ROBO2: variants seen among roughly 807,000 people sequenced by gnomAD.
ROBO2 encodes the protein roundabout guidance receptor 2, also known as roundabout homolog 2.
In ROBO2, 53 loss-of-function variants were observed where a neutral mutation model predicts 160.8. The observed-to-expected ratio is 0.33, with a 90% CI of 0.26 to 0.41. The LOEUF (loss-of-function observed/expected upper bound fraction) is 0.41. Ranked by LOEUF, ROBO2 falls within the 10% of genes least tolerant of loss-of-function variation. The pLI is 1.00. For missense variants in ROBO2, 1,577 were observed against 1,722.4 expected, an observed-to-expected ratio of 0.92 and a Z score of 1.49; for synonymous variants, 664 against 611.7, an observed-to-expected ratio of 1.09 and a Z score of -1.26.
intron 2 of ROBO2, among the ~76,000 whole-genome samples, chr3:76,714,993 T>C (rs1309895876): frequency 6.6e-6 from 1 of 152,176 alleles, no homozygotes; most frequent in African/African-American, 2.4e-5. Context: ...ATTTCTTTCA[T>C]TTTGATACCA....
chr3:76,445,368 A>G (rs190831098), intron 2 of ROBO2, among the ~76,000 whole-genome samples: 81 of 152,306 alleles, frequency 5.3e-4, no homozygotes, highest in African/African-American at 1.8e-3. Context: ...ATGAAGCTAT[A>G]GCAAAACTAA....
intron 21 of ROBO2, among the ~76,000 whole-genome samples, chr3:77,613,929 A>G (rs1443633507): frequency 1.3e-5 from 2 of 152,206 alleles, no homozygotes; most frequent in African/African-American, 2.4e-5. Context: ...ATCTTGATGG[A>G]TTTATAAGAT....
chr3:77,203,988 T>C (rs2083170298), intron 2 of ROBO2, among the ~76,000 whole-genome samples: 1 of 152,206 alleles, frequency 6.6e-6, no homozygotes, highest in African/African-American at 2.4e-5. Context: ...CTATCTCTTT[T>C]AGGATAAAAT....
At chr3:76,052,859 A>G (rs2067701487) in intron 2 of ROBO2, among the ~76,000 whole-genome samples, 1 of 152,072 alleles carries the variant, frequency 6.6e-6, no homozygotes, top group South Asian at 2.1e-4. Flanking sequence ...CATCACCTTC[A>G]AAATAGCTCA....
intron 2 of ROBO2, among the ~76,000 whole-genome samples, chr3:76,024,421 TA>T (rs2066669553): frequency 6.6e-6 from 1 of 151,482 alleles, no homozygotes; most frequent in Non-Finnish European, 1.5e-5. Flanking sequence ...ATTTATTTTG[TA>T]CTATTTTAAA....
At chr3:77,192,899 C>T (rs1485553146) in intron 2 of ROBO2, among the ~76,000 whole-genome samples, 2 of 151,914 alleles carry the variant, frequency 1.3e-5, no homozygotes, top group African/African-American at 4.8e-5. Flanking sequence ...AGTGATCCAC[C>T]TGCCTCAGTC....
chr3:76,430,947 TCTTA>T, intron 2 of ROBO2, among the ~76,000 whole-genome samples: 1 of 152,202 alleles, frequency 6.6e-6, no homozygotes, highest in Middle Eastern at 3.4e-3. Flanking sequence ...TATGAAACTC[TCTTA>T]CTGTTTTTGA....
intron 2 of ROBO2, among the ~76,000 whole-genome samples, chr3:77,399,502 C>G (rs75999817): frequency 0.012 from 1,776 of 152,268 alleles, 35 homozygotes; most frequent in African/African-American, 0.041. Context: ...TGTACTGTGG[C>G]ACACATTTCA....
At chr3:76,677,051 A>G (rs919463626) in intron 2 of ROBO2, among the ~76,000 whole-genome samples, 1 of 152,106 alleles carries the variant, frequency 6.6e-6, no homozygotes, top group Admixed American at 6.5e-5. Context: ...TAAAACTGGT[A>G]CTGTATACAA....
intron 4 of ROBO2, among the ~76,000 whole-genome samples, chr3:77,490,638 A>C (rs1170764955): frequency 6.6e-6 from 1 of 152,086 alleles, no homozygotes; most frequent in Non-Finnish European, 1.5e-5. Context: ...TAAGAGGTTC[A>C]TTTTTCTCAT....
chr3:76,978,383 C>A (rs2059912565), intron 2 of ROBO2, among the ~76,000 whole-genome samples: 1 of 152,116 alleles, frequency 6.6e-6, no homozygotes, highest in Non-Finnish European at 1.5e-5. Context: ...TGTTGAAATA[C>A]ATAGTGCCAC....
At chr3:76,975,882 T>C (rs1209121722) in intron 2 of ROBO2, among the ~76,000 whole-genome samples, 1 of 152,124 alleles carries the variant, frequency 6.6e-6, no homozygotes, top group East Asian at 1.9e-4. Context: ...TATACATATA[T>C]TGATGATTCA....
intron 11 of ROBO2, chr3:77,564,732 T>C: frequency 1.6e-6 from 1 of 618,784 alleles, no homozygotes. Flanking sequence ...GGGCTGAGTT[T>C]AATTTTGTTG....
chr3:77,414,437 GA>G (rs1213797397), intron 2 of ROBO2, among the ~76,000 whole-genome samples: 4 of 152,214 alleles, frequency 2.6e-5, no homozygotes, highest in African/African-American at 9.7e-5. Context: ...TATATGGAGA[GA>G]AATGTGGATA....
At chr3:76,339,680 A>G (rs1199904706) in intron 2 of ROBO2, among the ~76,000 whole-genome samples, 1 of 152,112 alleles carries the variant, frequency 6.6e-6, no homozygotes, top group East Asian at 1.9e-4. Context: ...ATTCCAGATC[A>G]CTCACAGACA....
intron 2 of ROBO2, among the ~76,000 whole-genome samples, chr3:76,848,585 A>G (rs1236067379): frequency 3.3e-5 from 5 of 152,244 alleles, no homozygotes; most frequent in African/African-American, 9.6e-5. Context: ...TATAATTAAC[A>G]TAAAGTACTG....
intron 2 of ROBO2, among the ~76,000 whole-genome samples, chr3:76,275,306 A>G (rs532019639): frequency 1.3e-5 from 2 of 152,144 alleles, no homozygotes; most frequent in Admixed American, 6.6e-5. Flanking sequence ...TAATACTTTA[A>G]GTTTTAGGGT....
intron 2 of ROBO2, among the ~76,000 whole-genome samples, chr3:75,959,937 G>T (rs185252609): frequency 6.6e-6 from 1 of 151,860 alleles, no homozygotes; most frequent in East Asian, 2.0e-4. Flanking sequence ...AATGATACAG[G>T]ACTCACGTGT....
intron 2 of ROBO2, among the ~76,000 whole-genome samples, chr3:77,263,988 A>G (rs2058951670): frequency 6.6e-6 from 1 of 152,318 alleles, no homozygotes; most frequent in South Asian, 2.1e-4. Context: ...CACTTGGTTC[A>G]TAGCGAAACT....
Sources: gnomAD v4.1 joint callset for allele counts (sites outside exome capture counted in the v4.1 genomes callset) on GRCh38, gnomAD v4.1.1 for gene constraint, MANE v1.5 for transcripts, NCBI Gene and HGNC (gene_info 2026-07-23, HGNC 2026-07-21) for gene names.